Variants in DPYD observed in about 807,000 individuals in gnomAD.
The protein encoded by DPYD is dihydropyrimidine dehydrogenase [NADP(+)].
In DPYD, 109 loss-of-function variants were observed where a neutral mutation model predicts 116.2. The ratio of observed to expected loss-of-function variants is 0.94; its 90% CI spans 0.80 to 1.10. The LOEUF (loss-of-function observed/expected upper bound fraction) is 1.10. Among genes scored for constraint, DPYD ranks in the 50% least tolerant of loss-of-function variants. DPYD has a pLI of 0.00. For missense variants in DPYD, 1,302 were observed against 1,254.5 expected (o/e 1.04, Z -0.57); for synonymous variants, 440 against 432.0 (o/e 1.02, Z -0.23).
chr1:97,874,021 T>G (rs867114475), intron 2 of DPYD, among the ~76,000 whole-genome samples: 4 of 151,994 alleles, frequency 2.6e-5, no homozygotes, highest in African/African-American at 9.7e-5. Flanking sequence ...AGTAAATGCA[T>G]GAAGTAATAT....
chr1:97,793,272 A>C (rs1169170352), intron 3 of DPYD, among the ~76,000 whole-genome samples: 1 of 152,222 alleles, frequency 6.6e-6, no homozygotes, highest in Non-Finnish European at 1.5e-5. Context: ...CAATTTTGTT[A>C]AGATGGTGAT....
At chr1:97,770,639 A>G (rs1273182766) in intron 3 of DPYD, among the ~76,000 whole-genome samples, 3 of 152,192 alleles carry the variant, frequency 2.0e-5, no homozygotes, top group Non-Finnish European at 1.5e-5. Context: ...GTGTTTTTTG[A>G]TATAGATTCC....
At chr1:97,173,531 T>C (rs1358782671) in intron 20 of DPYD, among the ~76,000 whole-genome samples, 1 of 150,988 alleles carries the variant, frequency 6.6e-6, no homozygotes, top group African/African-American at 2.4e-5. Context: ...TATACAATTA[T>C]GTGAAGTATT....
At chr1:97,350,168 G>A (rs983805298) in intron 16 of DPYD, among the ~76,000 whole-genome samples, 2 of 152,056 alleles carry the variant, frequency 1.3e-5, no homozygotes, top group Non-Finnish European at 2.9e-5. Context: ...AGGAAGCCAT[G>A]GGAAAATTGA....
chr1:97,583,459 T>A (rs1378204821), intron 10 of DPYD, among the ~76,000 whole-genome samples: 1 of 152,192 alleles, frequency 6.6e-6, no homozygotes. Context: ...CTGGCAGCTG[T>A]TGGAGTATCT....
chr1:97,621,393 G>A (rs758043111), intron 8 of DPYD, among the ~76,000 whole-genome samples: 1 of 151,932 alleles, frequency 6.6e-6, no homozygotes, highest in African/African-American at 2.4e-5. Flanking sequence ...TGGTCTACGT[G>A]GTGATGAATT....
Position 97,637,458 on chromosome 1 carries a change from A to AC in DPYD, c.850+41636dup, listed in dbSNP as rs151109186. On this transcript the variant is annotated intron_variant, in intron 8 of 22. Transcript: ENST00000370192. The stretch of plus-strand genomic sequence containing the variant: ...TATCTTTTGGCAGTTTATTTTATAG[A>AC]CCCCCCAGACACTGAACATAAGAGA... Among the ~76,000 whole-genome samples, 669 of 151,214 alleles carry AC rather than the reference A, an allele frequency of 4.4e-3. 5 individuals are homozygous for AC. The highest frequency in any genetic ancestry group is 0.015 in the African/African-American group (632 of 41,170).
intron 20 of DPYD, among the ~76,000 whole-genome samples, chr1:97,176,460 T>C (rs1157882732): frequency 2.0e-5 from 3 of 152,158 alleles, no homozygotes; most frequent in Non-Finnish European, 4.4e-5. Context: ...GATGCTCTCA[T>C]GTTTTTAGTA....
chr1:97,532,986 ATCT>A (rs1001377112), intron 12 of DPYD, among the ~76,000 whole-genome samples: 2 of 147,092 alleles, frequency 1.4e-5, no homozygotes, highest in African/African-American at 5.0e-5. Context: ...TTTATTTCAG[ATCT>A]TCTTTCTTTT....
chr1:97,852,291 T>C (rs1350095128), intron 2 of DPYD, among the ~76,000 whole-genome samples: 3 of 152,122 alleles, frequency 2.0e-5, no homozygotes, highest in Non-Finnish European at 2.9e-5. Flanking sequence ...CAGTGCTTAT[T>C]ATGTGCCAGA....
At chr1:97,768,329 A>C (rs1049983514) in intron 3 of DPYD, among the ~76,000 whole-genome samples, 1 of 152,196 alleles carries the variant, frequency 6.6e-6, no homozygotes, top group African/African-American at 2.4e-5. Flanking sequence ...CATGGGACCC[A>C]GGAAAAACGA....
intron 3 of DPYD, among the ~76,000 whole-genome samples, chr1:97,777,177 C>T (rs1012067225): frequency 3.3e-5 from 5 of 152,104 alleles, no homozygotes; most frequent in South Asian, 2.1e-4. Context: ...TTAAATGTTT[C>T]GCTTTTTCAC....
chr1:97,123,159 C>A (rs1652578010), intron 20 of DPYD, among the ~76,000 whole-genome samples: 1 of 152,058 alleles, frequency 6.6e-6, no homozygotes, highest in Non-Finnish European at 1.5e-5. Context: ...GCTGAAAATC[C>A]TAATGCTAAC....
At chr1:97,887,958 T>A (rs1023772754) in intron 1 of DPYD, among the ~76,000 whole-genome samples, 1 of 152,058 alleles carries the variant, frequency 6.6e-6, no homozygotes, top group African/African-American at 2.4e-5. Context: ...CCTTCTGCCA[T>A]GATTGTAAGT....
intron 11 of DPYD, among the ~76,000 whole-genome samples, chr1:97,563,112 A>G (rs1652279592): frequency 6.6e-6 from 1 of 152,186 alleles, no homozygotes; most frequent in Admixed American, 6.5e-5. Context: ...GTAATTAACA[A>G]TAATAATCTC....
At chr1:97,173,697 A>G (rs1011996022) in intron 20 of DPYD, among the ~76,000 whole-genome samples, 2 of 151,136 alleles carry the variant, frequency 1.3e-5, no homozygotes, top group Non-Finnish European at 2.9e-5. Context: ...ATTAAAATCC[A>G]AACACTAAAG....
At chr1:97,549,926 G>T (rs1651197384) in intron 11 of DPYD, among the ~76,000 whole-genome samples, 182 bp from the exon 12 acceptor site, 2 of 152,118 alleles carry the variant, frequency 1.3e-5, no homozygotes, top group African/African-American at 4.8e-5. Flanking sequence ...CATTTGAAGG[G>T]CACTGACTTA....
chr1:97,144,379 G>T (rs1570543390), intron 20 of DPYD, among the ~76,000 whole-genome samples: 1 of 152,252 alleles, frequency 6.6e-6, no homozygotes, highest in Non-Finnish European at 1.5e-5. Flanking sequence ...TCCCCAAATG[G>T]AAAGAACTAC....
chr1:97,748,512 G>A lies in DPYD; in HGVS notation c.234-8033C>T, dbSNP rs941743674. On this transcript the variant is annotated intron_variant, in intron 3 of 22. Transcript: ENST00000370192. ...TAATCCCAGCTACTCGGGAGGCTGAGGCAGGAGAATCACTTGAACCTGGGA... is the reference window on the plus strand; with the variant it reads ...TAATCCCAGCTACTCGGGAGGCTGAAGCAGGAGAATCACTTGAACCTGGGA... 3.9e-5 allele frequency among the ~76,000 whole-genome samples: 6 copies of A among 152,286 alleles called. No homozygotes were observed. In the East Asian group the frequency reaches 5.8e-4, roughly 15 times the overall value.
Sources: allele counts gnomAD v4.1 joint callset (sites outside exome capture counted in the v4.1 genomes callset), GRCh38; gene constraint gnomAD v4.1.1; transcripts MANE v1.5; gene names NCBI Gene and HGNC (gene_info 2026-07-23, HGNC 2026-07-21).